The following MCC variants were observed in gnomAD, a reference collection of about 807,000 sequenced individuals.
MCC encodes colorectal mutant cancer protein.
In MCC, 90 loss-of-function variants were observed where a neutral mutation model predicts 116.2. The observed-to-expected ratio is 0.77, with a 90% CI of 0.65 to 0.92. MCC has a LOEUF of 0.92. Among genes scored for constraint, MCC ranks in the 40% least tolerant of loss-of-function variants. The pLI is 0.00. For synonymous variants in MCC, 578 were observed against 510.5 expected (o/e 1.13, Z -1.78); for missense variants, 1,516 against 1,312.2 (o/e 1.16, Z -2.40).
intron 1 of MCC, among the ~76,000 whole-genome samples, chr5:113,407,061 T>A (rs1769856088): frequency 6.6e-6 from 1 of 152,152 alleles, no homozygotes; most frequent in Admixed American, 6.5e-5. Flanking sequence ...TATAATAAAC[T>A]GCTTAAGATA....
At chr5:113,181,889 T>G (rs1761646814) in intron 3 of MCC, among the ~76,000 whole-genome samples, 1 of 151,222 alleles carries the variant, frequency 6.6e-6, no homozygotes, top group African/African-American at 2.4e-5. Context: ...CCCAGGGGGG[T>G]TTTAACAGTT....
Position 113,434,996 on chromosome 5 carries a change from T to C in MCC, c.171-49784A>G. ...GAGGCCAAGACTCTGGAGTGGAACA[T>C]TTGGCACTGTCTCCCAGATGACTTC... On this transcript the variant is annotated intron_variant, in intron 1 of 18. Transcript: ENST00000408903. This position sits in a 1 kb window ranked among gnomAD's most constrained non-coding sequence, Gnocchi z 4.2. The C allele has an allele frequency of 1.2e-6, 1 of 844,680 alleles. No homozygotes were observed. The highest frequency in any genetic ancestry group is 1.7e-5 in the African/African-American group (1 of 58,602). 52.3% of individuals were successfully genotyped at this position (844,680 alleles called of 1,614,324 possible).
chr5:113,316,081 C>G (rs1322320606), intron 3 of MCC, among the ~76,000 whole-genome samples: 1 of 151,890 alleles, frequency 6.6e-6, no homozygotes, highest in Non-Finnish European at 1.5e-5. Flanking sequence ...CAAGGTGAAA[C>G]CCGGTGTCTA....
At position 113,024,541 on chromosome 5, in the gene MCC, A is replaced by AT. The variant is rs1750393414; in HGVS notation, c.*2760dup. On this transcript the variant is annotated 3_prime_UTR_variant, in exon 19 of 19. Coordinates refer to ENST00000408903, the MANE Select transcript of MCC (RefSeq NM_001085377.2). ...GCCAAAGACTGAATTCTGAACAGAGATGGTTACTGACTAAAAGGGGGTAAC... is the reference window on the plus strand; with the variant it reads ...GCCAAAGACTGAATTCTGAACAGAGATTGGTTACTGACTAAAAGGGGGTAAC... The AT allele has an allele frequency of 6.6e-6, 1 of 152,244 alleles. No individual in the cohort carries two copies. Among genetic ancestry groups the AT allele is most frequent in the African/African-American group, 2.4e-5 (1 of 41,468 alleles). The allele number at this position is 152,244 out of a possible 1,614,324, so 9.4% of individuals were successfully genotyped here.
intron 17 of MCC, among the ~76,000 whole-genome samples, chr5:113,034,324 C>T (rs1028501349): frequency 6.6e-5 from 10 of 152,198 alleles, no homozygotes; most frequent in Non-Finnish European, 1.2e-4. Flanking sequence ...CTTGCCAGTA[C>T]GCTGGGCAGA....
chr5:113,033,038 T>G (rs1211412250), intron 17 of MCC, among the ~76,000 whole-genome samples: 1 of 152,256 alleles, frequency 6.6e-6, no homozygotes, highest in East Asian at 1.9e-4. Context: ...GTAGCCATTC[T>G]TTTCCTTTAC....
chr5:113,110,062 G>C (rs1005783022), intron 6 of MCC, among the ~76,000 whole-genome samples: 1 of 151,722 alleles, frequency 6.6e-6, no homozygotes, highest in Non-Finnish European at 1.5e-5. Flanking sequence ...CAATCAATCC[G>C]CCCACCTCAG....
At chr5:113,067,452 C>G (rs1024401480) in intron 13 of MCC, among the ~76,000 whole-genome samples, 8 of 152,130 alleles carry the variant, frequency 5.3e-5, no homozygotes, top group African/African-American at 1.9e-4. Flanking sequence ...CCAGGCTGAC[C>G]AACATGGTGA....
intron 3 of MCC, among the ~76,000 whole-genome samples, chr5:113,164,023 T>C (rs1482789114): frequency 6.6e-6 from 1 of 152,340 alleles, no homozygotes; most frequent in Middle Eastern, 3.4e-3. Flanking sequence ...AGTGTTTTCT[T>C]GACCCTATTT....
chr5:113,270,802 C>G (rs191309810), intron 3 of MCC, among the ~76,000 whole-genome samples: 1 of 151,608 alleles, frequency 6.6e-6, no homozygotes, highest in Non-Finnish European at 1.5e-5. Context: ...ATTCATAGAT[C>G]CGTGCTTTTT....
In MCC at chr5:113,049,241, A is replaced by T. The variant is rs1349131248; in HGVS notation, c.2507T>A (p.Leu836Gln). 3 of 1,613,212 alleles carry T rather than the reference A, an allele frequency of 1.9e-6. No individual in the cohort carries two copies. In the African/African-American group the frequency reaches 4.0e-5, roughly 22 times the overall value. The change falls in exon 16 of 19, where the codon CTG becomes CAG. Residue 836 changes from leucine to glutamine, a missense_variant. Coordinates refer to ENST00000408903, the MANE Select transcript of MCC (RefSeq NM_001085377.2). The part of the protein sequence containing the change: ...LYLLEKEKKA[L>Q]ELKLSTREAQ... ...CTCCCGCGTGCTCAGCTTCAGCTCC[A>T]GGGCCTTCTTCTCTTTCTCCAGTAG...
intron 3 of MCC, among the ~76,000 whole-genome samples, chr5:113,280,290 G>A (rs192095717): frequency 4.9e-4 from 74 of 152,302 alleles, no homozygotes; most frequent in Middle Eastern, 3.4e-3. Context: ...GGCTCACACC[G>A]CTGGTTGATA....
At chr5:113,035,703 A>C (rs1302195117) in intron 17 of MCC, among the ~76,000 whole-genome samples, 1 of 152,170 alleles carries the variant, frequency 6.6e-6, no homozygotes, top group Non-Finnish European at 1.5e-5. Context: ...GTCACCTCCC[A>C]GAGAGGCCTA....
At chr5:113,439,084 G>A (rs545541018) in intron 1 of MCC, among the ~76,000 whole-genome samples, 2 of 152,314 alleles carry the variant, frequency 1.3e-5, no homozygotes, top group South Asian at 2.1e-4. Context: ...CAAAGTCTGA[G>A]CTAAGGAAAC....
intron 3 of MCC, among the ~76,000 whole-genome samples, chr5:113,240,502 C>T (rs1442335816): frequency 1.3e-5 from 2 of 152,160 alleles, no homozygotes; most frequent in Non-Finnish European, 2.9e-5. Context: ...AAGTCGATGG[C>T]ATGATTCATG....
intron 6 of MCC, among the ~76,000 whole-genome samples, chr5:113,113,911 G>C (rs1182852978): frequency 6.6e-6 from 1 of 152,034 alleles, no homozygotes; most frequent in East Asian, 1.9e-4. Flanking sequence ...ACATTAATAG[G>C]ACAATTGGGG....
chr5:113,110,087 G>A (rs1757000756), intron 6 of MCC, among the ~76,000 whole-genome samples: 1 of 152,130 alleles, frequency 6.6e-6, no homozygotes, highest in Non-Finnish European at 1.5e-5. Context: ...CCAAGTAGCT[G>A]GGGTTACAGG....
chr5:113,063,940 C>T (rs1465712649), intron 14 of MCC, 44 bp downstream of exon 14: 4 of 1,568,800 alleles, frequency 2.5e-6, no homozygotes, highest in Admixed American at 1.8e-5. Flanking sequence ...GAACAGATGC[C>T]ATGTGGACAC....
chr5:113,146,447 G>C (rs536931011), intron 4 of MCC, among the ~76,000 whole-genome samples: 2 of 151,126 alleles, frequency 1.3e-5, no homozygotes, highest in East Asian at 4.0e-4. Context: ...CTGGTGCCTT[G>C]GTCTCAGACC....
Sources: gnomAD v4.1 joint callset for allele counts (sites outside exome capture counted in the v4.1 genomes callset) on GRCh38, gnomAD v4.1.1 for gene constraint, Gnocchi (gnomAD v3.1) non-coding constraint, MANE v1.5 for transcripts, NCBI Gene and HGNC (gene_info 2026-07-23, HGNC 2026-07-21) for gene names.